The following PHLDB3 variants were observed in gnomAD, a reference collection of about 807,000 sequenced individuals.
PHLDB3 encodes the protein pleckstrin homology-like domain family B member 3.
PHLDB3 carries 86 observed loss-of-function variants against 85.7 expected under a neutral mutation model. That is an observed-to-expected ratio of 1.00 (90% confidence interval 0.84 to 1.20). The LOEUF is 1.20. Among genes scored for constraint, PHLDB3 ranks in the 50% most tolerant of loss-of-function variants. The pLI is 0.00. For missense variants in PHLDB3, 995 were observed against 873.0 expected (o/e 1.14, Z -1.76); for synonymous variants, 376 against 349.8 (o/e 1.07, Z -0.83).
chr19:43,503,773 C>G, intron 2 of PHLDB3, 133 bp downstream of exon 2: 1 of 994,192 alleles, frequency 1.0e-6, no homozygotes, highest in Non-Finnish European at 1.5e-6. Flanking sequence ...GTAGTCTCTG[C>G]TATCACTCGG....
Position 43,478,184 on chromosome 19 carries a change from G to A in PHLDB3, c.1703-52C>T, listed in dbSNP as rs1660897697. 7 of 1,411,986 alleles carry A rather than the reference G, an allele frequency of 5.0e-6. No individual in the cohort carries two copies. In the South Asian group the frequency reaches 8.2e-5, roughly 16 times the overall value. The allele number at this position is 1,411,986 out of a possible 1,614,324, so 87.5% of individuals were successfully genotyped here. On this transcript the variant is annotated intron_variant, in intron 14 of 15. Transcript: ENST00000292140. ...GAGCCAGTGAGAAAGGTGTGTCTGT[G>A]TGTGTCGAGGTGAGGGTCATTGGCC...
chr19:43,480,447 C>T (rs1411944470), intron 13 of PHLDB3, among the ~76,000 whole-genome samples: 1 of 151,732 alleles, frequency 6.6e-6, no homozygotes, highest in Non-Finnish European at 1.5e-5. Flanking sequence ...AAAAAATTAG[C>T]TGGGCCTAGT....
At chr19:43,500,771 G>A (rs1055336788) in intron 4 of PHLDB3, among the ~76,000 whole-genome samples, 2 of 152,022 alleles carry the variant, frequency 1.3e-5, no homozygotes, top group African/African-American at 4.8e-5. Flanking sequence ...TGAGTCTGAG[G>A]CCACAGGCAC....
chr19:43,481,210 G>A (rs117060404), intron 13 of PHLDB3, among the ~76,000 whole-genome samples: 474 of 152,196 alleles, frequency 3.1e-3, no homozygotes, highest in Non-Finnish European at 5.0e-3. Context: ...GGATGGGTGC[G>A]GTGGCTCACA....
chr19:43,494,585 A>C lies in PHLDB3; in HGVS notation c.1149+117T>G, dbSNP rs1003771491. On this transcript the variant is annotated intron_variant, in intron 9 of 15. Coordinates refer to ENST00000292140, the MANE Select transcript of PHLDB3 (RefSeq NM_198850.4). ...ACCTTCCCTATCCCCCACCGGCCCC[A>C]TACAGAAAATCAGAGTGGAAGTTCT... is the stretch of plus-strand genomic sequence containing the variant. 3.8e-6 allele frequency: 3 copies of C among 788,368 alleles called. No individual in the cohort carries two copies. The African/African-American group carries it at 5.2e-5, about 14-fold the overall frequency. The allele number at this position is 788,368 out of a possible 1,614,324, so 48.8% of individuals were successfully genotyped here.
chr19:43,501,756 C>CAG lies in PHLDB3; in HGVS notation c.511_512insCT (p.Arg171ProfsTer14). On this transcript the variant is annotated frameshift_variant, in exon 4 of 16. Transcript: ENST00000292140. LOFTEE classifies it high-confidence loss of function. ...GACCTGTTCCCGCTGCTGGCGGCCG[C>CAG]GCTGCTCCGAGGCCGCCTGCTGCTC... 1 of 1,583,882 alleles carries CAG rather than the reference C, an allele frequency of 6.3e-7. No individual in the cohort carries two copies. The highest frequency in any genetic ancestry group is 1.3e-5 in the African/African-American group (1 of 74,452).
chr19:43,477,352 C>T (rs1970947893), intron 15 of PHLDB3, among the ~76,000 whole-genome samples: 1 of 150,644 alleles, frequency 6.6e-6, no homozygotes, highest in Non-Finnish European at 1.5e-5. Context: ...CACCCCATCT[C>T]AACTAAAAAT....
chr19:43,503,899 C>T lies in PHLDB3; in HGVS notation c.213+7G>A, dbSNP rs1370778796. 2.0e-5 allele frequency: 32 copies of T among 1,613,636 alleles called. No individual in the cohort carries two copies. Among genetic ancestry groups the T allele is most frequent in the African/African-American group, 2.7e-5 (2 of 74,938 alleles). ...GCCCCCCGCGCTGTCGCCCTCGGGC[C>T]CCTCACCGCGTCGCGGCTGCTCTCA... On this transcript the variant is annotated splice_region_variant and intron_variant, in intron 2 of 15. Coordinates refer to ENST00000292140, the MANE Select transcript of PHLDB3 (RefSeq NM_198850.4).
In PHLDB3 at chr19:43,475,384, A is replaced by C. The variant is rs1970902619; in HGVS notation, c.*26T>G. On this transcript the variant is annotated 3_prime_UTR_variant, in exon 16 of 16. Transcript: ENST00000292140. The stretch of plus-strand genomic sequence containing the variant: ...CCCGCGCCGGCGGAGCCTCGAAGGG[A>C]CTTCCCCCCAAGAGGGCGGGGCCAC... 1 of 1,609,232 alleles carries C rather than the reference A, an allele frequency of 6.2e-7. No individual in the cohort carries two copies. The highest frequency in any genetic ancestry group is 8.5e-7 in the Non-Finnish European group (1 of 1,176,660).
intron 8 of PHLDB3, 55 bp from the exon 9 acceptor site, chr19:43,494,870 C>T: frequency 7.4e-7 from 1 of 1,343,552 alleles, no homozygotes; most frequent in Non-Finnish European, 1.0e-6. Context: ...AGAGCAACTG[C>T]CAGTTTCCAC....
intron 4 of PHLDB3, among the ~76,000 whole-genome samples, chr19:43,498,763 C>G (rs551477157): frequency 5.3e-5 from 8 of 152,172 alleles, no homozygotes; most frequent in African/African-American, 1.2e-4. Flanking sequence ...AAAATCAAAA[C>G]AAAACAAAAC....
At chr19:43,488,803 A>ATT (rs563067337) in intron 9 of PHLDB3, among the ~76,000 whole-genome samples, 5 of 142,364 alleles carry the variant, frequency 3.5e-5, no homozygotes, top group African/African-American at 5.2e-5. Context: ...TCCATAGACC[A>ATT]TTTTTTTTTT....
Position 43,503,980 on chromosome 19 carries a change from G to C in PHLDB3, c.139C>G (p.Arg47Gly). The C allele has an allele frequency of 6.2e-7, 1 of 1,613,916 alleles. No homozygotes were observed. The highest frequency in any genetic ancestry group is 1.3e-5 in the African/African-American group (1 of 75,032). The change falls in exon 2 of 16, where the codon CGC (arginine) becomes GGC (glycine). Residue 47 changes from arginine (R) to glycine (G), a missense_variant. By Grantham distance (125) the Arg-to-Gly change is moderately radical. Coordinates refer to ENST00000292140, the MANE Select transcript of PHLDB3 (RefSeq NM_198850.4). ...ASEVLAEPSS[R>G]GGAEQQAEEE... is the part of the protein sequence containing the mutation. ...TCTGCCTGCTGCTCAGCTCCCCCGCGGCTCGAAGGTTCCGCCAGGACTTCG... is the reference window on the plus strand; with the variant it reads ...TCTGCCTGCTGCTCAGCTCCCCCGCCGCTCGAAGGTTCCGCCAGGACTTCG...
In PHLDB3 at chr19:43,486,250, CG is replaced by C; in HGVS notation, c.1485+15del. The C allele has an allele frequency of 2.0e-6, 3 of 1,502,344 alleles. No individual in the cohort carries two copies. The highest frequency in any genetic ancestry group is 1.8e-6 in the Non-Finnish European group (2 of 1,113,948). 93.1% of individuals were successfully genotyped at this position (1,502,344 alleles called of 1,614,324 possible). A position where few individuals can be genotyped will look rare whatever the true frequency, so the allele number is the denominator to read the frequency against. The stretch of plus-strand genomic sequence containing the variant: ...GAGCAGGGAGAGGTGGGCGTGAGGG[CG>C]GGGGTGGGACTGACCGTGATGGCAG... On this transcript the variant is annotated intron_variant, in intron 13 of 15. Transcript: ENST00000292140.
intron 4 of PHLDB3, 144 bp from the exon 5 acceptor site, chr19:43,498,020 T>C: frequency 7.9e-7 from 1 of 1,269,092 alleles, no homozygotes; most frequent in Non-Finnish European, 1.1e-6. Context: ...CAGGCCTGCC[T>C]CACAGTCAGC....
In PHLDB3 at chr19:43,495,532, C is replaced by T. The variant is rs1277632299; in HGVS notation, c.914G>A (p.Ser305Asn). 2 of 1,607,412 alleles carry T rather than the reference C, an allele frequency of 1.2e-6. No homozygotes were observed. Among genetic ancestry groups the T allele is most frequent in the Admixed American group, 3.4e-5 (2 of 59,018 alleles). The stretch of plus-strand genomic sequence containing the variant: ...CTGAAGGGCCTCCTCCTTCTTCCGG[C>T]TCAACCCCCGGCTCTCGGCTGCCAT... ...EQMAAESRGL[S>N]RKKEEALQAL... Residue 305 changes from serine (S) to asparagine (N), a missense_variant, in exon 7 of 16, where the codon AGC becomes AAC. Coordinates refer to ENST00000292140, the MANE Select transcript of PHLDB3 (RefSeq NM_198850.4).
At chr19:43,481,907 G>A (rs1055578899) in intron 13 of PHLDB3, among the ~76,000 whole-genome samples, 15 of 151,988 alleles carry the variant, frequency 9.9e-5, no homozygotes, top group Non-Finnish European at 2.1e-4. Context: ...GTGGGGAAAT[G>A]AGAAGGATTA....
Position 43,486,845 on chromosome 19 carries a change from CG to C in PHLDB3, c.1274del (p.Pro425ArgfsTer16). The C allele has an allele frequency of 6.4e-7, 1 of 1,573,018 alleles. No homozygotes were observed. Among genetic ancestry groups the C allele is most frequent in the Non-Finnish European group, 8.6e-7 (1 of 1,157,844 alleles). On this transcript the variant is annotated frameshift_variant, in exon 11 of 16. Transcript: ENST00000292140. LOFTEE classifies it high-confidence loss of function. ...ATCTGCCGGAGTCCCCCACTGCTGG[CG>C]GGAGAGCTGAGGCCTCCAGGGATTC... ...CTESLEASAL[P>X]PAVGDSGRYP...
intron 13 of PHLDB3, among the ~76,000 whole-genome samples, chr19:43,482,363 G>T (rs1408953695): frequency 6.6e-6 from 1 of 152,112 alleles, no homozygotes; most frequent in African/African-American, 2.4e-5. Context: ...TGCCCTCAGG[G>T]TCTCTCACCT....
Sources: gnomAD v4.1 joint callset for allele counts (sites outside exome capture counted in the v4.1 genomes callset) on GRCh38, gnomAD v4.1.1 for gene constraint, MANE v1.5 for transcripts, NCBI Gene and HGNC (gene_info 2026-07-23, HGNC 2026-07-21) for gene names.